The following LAMB1 variants were observed in gnomAD, a reference collection of about 807,000 sequenced individuals.
The protein encoded by LAMB1 is laminin subunit beta 1.
A neutral mutation model predicts 222.3 loss-of-function variants in LAMB1; 121 were observed. The observed-to-expected ratio is 0.54, with a 90% CI of 0.47 to 0.63. LAMB1 has a LOEUF of 0.63. Among genes scored for constraint, LAMB1 ranks in the 30% least tolerant of loss-of-function variants. LAMB1 has a pLI of 0.00. For missense variants in LAMB1, 2,172 were observed against 2,240.8 expected (o/e 0.97, Z 0.62); for synonymous variants, 794 against 807.2 (o/e 0.98, Z 0.28).
chr7:107,953,359 T>TAAA (rs11368241), intron 22 of LAMB1, among the ~76,000 whole-genome samples, 171 bp downstream of exon 22: 2 of 143,910 alleles, frequency 1.4e-5, no homozygotes, highest in Non-Finnish European at 1.5e-5. Context: ...TCTGTCTCAT[T>TAAA]AAAAAAAAAA....
At chr7:107,931,299 T>A in intron 29 of LAMB1, 57 bp downstream of exon 29, 1 of 1,478,188 alleles carries the variant, frequency 6.8e-7, no homozygotes, top group Non-Finnish European at 9.4e-7. Context: ...ATCTAAAATG[T>A]AAACAGAGAA....
At chr7:107,954,331 A>ATTTTT (rs35519789) in intron 21 of LAMB1, among the ~76,000 whole-genome samples, 1 of 133,620 alleles carries the variant, frequency 7.5e-6, no homozygotes, top group African/African-American at 2.7e-5. Context: ...ATTTTGTAAA[A>ATTTTT]TTTTTTTTTT....
intron 15 of LAMB1, 82 bp downstream of exon 15, chr7:107,962,823 A>C: frequency 1.8e-6 from 2 of 1,141,100 alleles, no homozygotes; most frequent in Non-Finnish European, 2.5e-6. Flanking sequence ...TTTCATAACT[A>C]TATATAATAC....
chr7:107,966,508 C>T (rs2033640455), intron 13 of LAMB1, among the ~76,000 whole-genome samples: 1 of 152,106 alleles, frequency 6.6e-6, no homozygotes, highest in Non-Finnish European at 1.5e-5. Context: ...CACGCCCAGC[C>T]AGGAATAGGA....
At chr7:107,938,138 C>A (rs764120959) in intron 25 of LAMB1, among the ~76,000 whole-genome samples, 2 of 152,030 alleles carry the variant, frequency 1.3e-5, no homozygotes, top group African/African-American at 2.4e-5. Flanking sequence ...TAATTGTCTT[C>A]TTGGCGATAT....
At chr7:107,996,455 C>A (rs138323379) in intron 4 of LAMB1, among the ~76,000 whole-genome samples, 206 of 152,248 alleles carry the variant, frequency 1.4e-3, no homozygotes, top group Middle Eastern at 3.4e-3. Context: ...ATAATTTAGC[C>A]CCGCCACGTA....
At chr7:107,930,360 A>G (rs1187198132) in intron 29 of LAMB1, among the ~76,000 whole-genome samples, 4 of 152,254 alleles carry the variant, frequency 2.6e-5, no homozygotes, top group Non-Finnish European at 5.9e-5. Context: ...TTATTCAAAT[A>G]AAATATGTAC....
At chr7:107,962,696 AG>A (rs2150429680) in intron 15 of LAMB1, among the ~76,000 whole-genome samples, 2 of 144,936 alleles carry the variant, frequency 1.4e-5, no homozygotes, top group African/African-American at 5.3e-5. Context: ...CCTGGACAAC[AG>A]AGCGAGACTC....
intron 13 of LAMB1, among the ~76,000 whole-genome samples, chr7:107,970,720 A>C (rs1160814175): frequency 6.6e-6 from 1 of 151,022 alleles, no homozygotes; most frequent in African/African-American, 2.4e-5. Context: ...ATTTAAATTA[A>C]TTAGGTCTTA....
Position 107,959,284 on chromosome 7 carries a change from G to A in LAMB1, c.2655C>T (p.Asn885=). The A allele has an allele frequency of 6.2e-7, 1 of 1,614,208 alleles. No homozygotes were observed. The highest frequency in any genetic ancestry group is 1.1e-5 in the South Asian group (1 of 91,080). The change falls in exon 20 of 34, where the codon AAC becomes AAT. Residue 885 remains asparagine, a synonymous_variant. Coordinates refer to ENST00000222399, the MANE Select transcript of LAMB1 (RefSeq NM_002291.3). Reference sequence around the variant, plus strand: ...TATGACCCATGGTGTAGTCCTGGCAGTTCAAGCACTCCCCAGTCACTGGGT... The same window carrying A: ...TATGACCCATGGTGTAGTCCTGGCAATTCAAGCACTCCCCAGTCACTGGGT... The part of the protein sequence containing the change: ...DCDPVTGECL[N]CQDYTMGHNC...
chr7:107,951,049 G>T, intron 24 of LAMB1, 177 bp downstream of exon 24: 1 of 578,800 alleles, frequency 1.7e-6, no homozygotes. Context: ...TTATGGGCAG[G>T]GCTAGATTTG....
At chr7:107,942,000 ACTTTT>A (rs991666326) in intron 24 of LAMB1, 2 of 84,688 alleles carry the variant, frequency 2.4e-5, no homozygotes, top group African/African-American at 4.9e-5. Context: ...CCTCTGAAAA[ACTTTT>A]TTTTTTTTTG....
intron 13 of LAMB1, among the ~76,000 whole-genome samples, chr7:107,968,405 A>T (rs1183790648): frequency 6.6e-6 from 1 of 152,218 alleles, no homozygotes; most frequent in African/African-American, 2.4e-5. Flanking sequence ...ATGGCCCCCA[A>T]AGATGTCCAC....
intron 13 of LAMB1, among the ~76,000 whole-genome samples, chr7:107,968,236 C>G (rs1375618887): frequency 6.6e-6 from 1 of 152,188 alleles, no homozygotes; most frequent in Admixed American, 6.5e-5. Context: ...TAATTACTCT[C>G]TCCTGTGTTC....
chr7:107,949,353 A>G (rs941360975), intron 24 of LAMB1, among the ~76,000 whole-genome samples: 1 of 152,260 alleles, frequency 6.6e-6, no homozygotes, highest in African/African-American at 2.4e-5. Flanking sequence ...AAGGTCAGAA[A>G]GCTTTGGCAG....
At chr7:107,940,499 G>C (rs1474029126) in intron 24 of LAMB1, 141 bp from the exon 25 acceptor site, 1 of 812,856 alleles carries the variant, frequency 1.2e-6, no homozygotes, top group East Asian at 2.7e-5. Flanking sequence ...CTCAGGTAGA[G>C]ACTGTAGCAG....
rs748977234 is a variant in LAMB1, at chr7:107,932,225, C to T, written c.4341G>A (p.Leu1447=). The T allele has an allele frequency of 9.9e-6, 16 of 1,614,192 alleles. No individual in the cohort carries two copies. The highest frequency in any genetic ancestry group is 1.0e-5 in the Non-Finnish European group (12 of 1,180,042). Residue 1447 remains leucine (L), a synonymous_variant, in exon 28 of 34, where the codon TTG becomes TTA. Transcript: ENST00000222399. ...CCAGGGCACTCAGGACATCTTGGTC[C>T]AAGTCCATGGCTTTCTGCCAGGCGT... ...AHNAWQKAMD[L]DQDVLSALAE...
chr7:107,950,209 G>C (rs1185805053), intron 24 of LAMB1, among the ~76,000 whole-genome samples: 1 of 151,312 alleles, frequency 6.6e-6, no homozygotes, highest in African/African-American at 2.4e-5. Context: ...CGGCCTAGGT[G>C]ACAGAGCGAG....
intron 5 of LAMB1, among the ~76,000 whole-genome samples, chr7:107,992,090 G>A (rs2034195123): frequency 6.6e-6 from 1 of 152,000 alleles, no homozygotes; most frequent in Non-Finnish European, 1.5e-5. Flanking sequence ...AGCACTTGCT[G>A]AGCAAATCCT....
Sources: allele counts gnomAD v4.1 joint callset (sites outside exome capture counted in the v4.1 genomes callset), GRCh38; gene constraint gnomAD v4.1.1; transcripts MANE v1.5; gene names NCBI Gene and HGNC (gene_info 2026-07-23, HGNC 2026-07-21).